Variants in MN1 observed in about 807,000 individuals in gnomAD.
The protein encoded by MN1 is MN1 proto-oncogene, transcriptional regulator.
A neutral mutation model predicts 86.9 loss-of-function variants in MN1; 19 were observed. That is an observed-to-expected ratio of 0.22 (90% CI 0.15 to 0.32). The LOEUF is 0.32. MN1 is among the 10% of genes least tolerant of loss of function. MN1 has a pLI of 1.00. For missense variants in MN1, 1,841 were observed against 1,862.0 expected, an observed-to-expected ratio of 0.99 and a Z score of 0.21; for synonymous variants, 928 against 849.6, an observed-to-expected ratio of 1.09 and a Z score of -1.60.
intron 1 of MN1, among the ~76,000 whole-genome samples, chr22:27,756,446 G>C (rs989631239): frequency 2.6e-5 from 4 of 152,004 alleles, no homozygotes; most frequent in African/African-American, 4.8e-5. Flanking sequence ...CCCAGCCACG[G>C]TTCCACCACT....
rs1933323849 is a variant in MN1 at position 27,797,593 on chromosome 22, G to A, written c.2951C>T (p.Ala984Val). 1 of 1,596,388 alleles carries A rather than the reference G, an allele frequency of 6.3e-7. No individual in the cohort carries two copies. Among genetic ancestry groups the A allele is most frequent in the African/African-American group, 1.3e-5 (1 of 74,508 alleles). The part of the protein sequence containing the change: ...VSPGQQQASG[A>V]AVGGSSAGET... ...GCCTGCGGAGCTTCCCCCGACGGCT[G>A]CGCCTGACGCTTGCTGCTGCCCTGG... The change falls in exon 1 of 2, where the codon GCA becomes GTA. Residue 984 changes from alanine to valine, a missense_variant. Physicochemically the swap from Ala to Val is moderately conservative, Grantham distance 64. Transcript: ENST00000302326.
At chr22:27,795,269 C>G (rs982725748) in intron 1 of MN1, among the ~76,000 whole-genome samples, 21 of 152,250 alleles carry the variant, frequency 1.4e-4, no homozygotes, top group African/African-American at 5.1e-4. Flanking sequence ...AGGCCGCATT[C>G]ATGAATTAGA....
chr22:27,799,097 C>A lies in MN1; in HGVS notation c.1447G>T (p.Asp483Tyr). ...WNGSMHNGAL[D>Y]NHLSPSAYPG... ...TAGGCGGAAGGGGAGAGGTGATTAT[C>A]CAGAGCGCCGTTGTGCATGCTGCCG... Residue 483 changes from aspartate to tyrosine, a missense_variant, in exon 1 of 2, where the codon GAT becomes TAT. Physicochemically the swap from Asp to Tyr is radical, Grantham distance 160. Transcript: ENST00000302326. The A allele has an allele frequency of 6.2e-7, 1 of 1,605,976 alleles. No homozygotes were observed. Among genetic ancestry groups the A allele is most frequent in the Non-Finnish European group, 8.5e-7 (1 of 1,174,630 alleles).
chr22:27,784,778 A>G (rs1186495048), intron 1 of MN1, among the ~76,000 whole-genome samples: 1 of 152,118 alleles, frequency 6.6e-6, no homozygotes, highest in Admixed American at 6.5e-5. Context: ...GCCCTCAAAC[A>G]CATTTAATAC....
intron 1 of MN1, among the ~76,000 whole-genome samples, chr22:27,785,407 C>G (rs1933115311): frequency 6.6e-6 from 1 of 152,196 alleles, no homozygotes; most frequent in African/African-American, 2.4e-5. Flanking sequence ...AAGGAGTCCT[C>G]CCCCACATCT....
rs2146319714 is a variant in MN1, at chr22:27,801,612, T to TGGGGGGA, written c.-1076_-1070dup. 1 of 3,796 alleles carries TGGGGGGA rather than the reference T, an allele frequency of 2.6e-4. No homozygotes were observed. Among genetic ancestry groups the TGGGGGGA allele is most frequent in the Admixed American group, 2.9e-3 (1 of 344 alleles). 0.2% of individuals were successfully genotyped at this position (3,796 alleles called of 1,614,324 possible). A position where few individuals can be genotyped will look rare whatever the true frequency, so the allele number is the denominator to read the frequency against. ...CCCGCTGCGCTCTCAGAGCCCGGAA[T>TGGGGGGA]GGGGGGAGGGGGGCGCGGGGGCAGC... is the stretch of plus-strand genomic sequence containing the variant. On this transcript the variant is annotated 5_prime_UTR_variant, in exon 1 of 2. Coordinates refer to ENST00000302326, the MANE Select transcript of MN1 (RefSeq NM_002430.3).
chr22:27,785,752 C>CG (rs566576505), intron 1 of MN1, among the ~76,000 whole-genome samples: 2 of 141,962 alleles, frequency 1.4e-5, no homozygotes, highest in African/African-American at 5.0e-5. Flanking sequence ...GTGTGCCCCC[C>CG]CCCCATGGCC....
chr22:27,792,388 G>A (rs145446640), intron 1 of MN1, among the ~76,000 whole-genome samples: 6 of 144,614 alleles, frequency 4.1e-5, no homozygotes, highest in Non-Finnish European at 7.5e-5. Flanking sequence ...AGAAAGCAAT[G>A]GCTATTTAAA....
rs773350165 is a variant in MN1, at chr22:27,797,613, C to A, written c.2931G>T (p.Gly977=). 1.3e-6 allele frequency: 2 copies of A among 1,595,118 alleles called. No homozygotes were observed. The highest frequency in any genetic ancestry group is 3.4e-5 in the Admixed American group (2 of 58,206). Residue 977 remains glycine (G), a synonymous_variant, in exon 1 of 2, where the codon GGG becomes GGT. Transcript: ENST00000302326. ...CGGCTGCGCCTGACGCTTGCTGCTG[C>A]CCTGGGCTCACCCCAGGTGCGCCCC... ...DSGGAPGVSP[G]QQQASGAAVG... is the part of the protein sequence containing the mutation.
At chr22:27,757,358 G>C (rs1932807927) in intron 1 of MN1, among the ~76,000 whole-genome samples, 2 of 152,220 alleles carry the variant, frequency 1.3e-5, no homozygotes, top group Non-Finnish European at 2.9e-5. Context: ...CGTGGCACTG[G>C]AGGCAGACAG....
intron 1 of MN1, among the ~76,000 whole-genome samples, chr22:27,784,635 C>T (rs1200295674): frequency 2.6e-5 from 4 of 152,192 alleles, no homozygotes; most frequent in African/African-American, 7.2e-5. Flanking sequence ...ATTCTTAGCA[C>T]TCTATGCAGA....
At position 27,791,439 on chromosome 22, in the gene MN1, A is replaced by G. The variant is rs1202750376; in HGVS notation, c.3781+5324T>C. On this transcript the variant is annotated intron_variant, in intron 1 of 1. Coordinates refer to ENST00000302326, the MANE Select transcript of MN1 (RefSeq NM_002430.3). Reference sequence around the variant, plus strand: ...AAACAAACACATCGTCGGCAAGTCAAAATCCTGACTTGAGTCAAAATGATG... The same window carrying G: ...AAACAAACACATCGTCGGCAAGTCAGAATCCTGACTTGAGTCAAAATGATG... Among the ~76,000 whole-genome samples, 4 of 152,204 alleles carry G rather than the reference A, an allele frequency of 2.6e-5. No individual in the cohort carries two copies. The East Asian group carries it at 7.8e-4, about 30-fold the overall frequency.
intron 1 of MN1, among the ~76,000 whole-genome samples, chr22:27,782,388 G>A (rs907439618): frequency 1.3e-5 from 2 of 152,210 alleles, no homozygotes; most frequent in African/African-American, 2.4e-5. Flanking sequence ...GGGGCTAAGT[G>A]CCTGAAGTAC....
chr22:27,785,056 CCACACACACACACACACACA>C lies in MN1; in HGVS notation c.3781+11687_3781+11706del, dbSNP rs57257445. ...ATATAGATGTGCGTGCTGGCATCCG[CCACACACACACACACACACA>C]CACACACACACACACACACACGGGT... On this transcript the variant is annotated intron_variant, in intron 1 of 1. Coordinates refer to ENST00000302326, the MANE Select transcript of MN1 (RefSeq NM_002430.3). Among the ~76,000 whole-genome samples the C allele has an allele frequency of 7.6e-5, 11 of 144,918 alleles. No homozygotes were observed. In the East Asian group the frequency reaches 1.2e-3, roughly 16 times the overall value.
At chr22:27,756,050 G>A (rs1466137174) in intron 1 of MN1, among the ~76,000 whole-genome samples, 6 of 152,220 alleles carry the variant, frequency 3.9e-5, no homozygotes, top group Non-Finnish European at 7.3e-5. Flanking sequence ...GGGCGCTCCT[G>A]CCAACGCTGG....
intron 1 of MN1, among the ~76,000 whole-genome samples, chr22:27,777,231 C>A (rs1932989691): frequency 1.3e-5 from 2 of 152,146 alleles, no homozygotes; most frequent in South Asian, 2.1e-4. Context: ...GAGAGAGACG[C>A]AAGCAAGAAG....
At chr22:27,794,004 T>G (rs1054103693) in intron 1 of MN1, among the ~76,000 whole-genome samples, 1 of 151,762 alleles carries the variant, frequency 6.6e-6, no homozygotes, top group African/African-American at 2.4e-5. Flanking sequence ...GAAAAAAAAA[T>G]GCTGGGGCTG....
At position 27,750,107 on chromosome 22, in the gene MN1, T is replaced by A; in HGVS notation, c.*808A>T. On this transcript the variant is annotated 3_prime_UTR_variant, in exon 2 of 2. Coordinates refer to ENST00000302326, the MANE Select transcript of MN1 (RefSeq NM_002430.3). Reference sequence around the variant, plus strand: ...CAGAAAAGGAGAGAAAACACTGCTGTCGAACATTCCAACTCCTTCCCACAG... The same window carrying A: ...CAGAAAAGGAGAGAAAACACTGCTGACGAACATTCCAACTCCTTCCCACAG... 4.3e-6 allele frequency: 1 copy of A among 232,110 alleles called. No homozygotes were observed. Among genetic ancestry groups the A allele is most frequent in the Non-Finnish European group, 8.5e-6 (1 of 117,362 alleles). 14.4% of individuals were successfully genotyped at this position (232,110 alleles called of 1,614,324 possible).
rs781506080 is a variant in MN1 at position 27,796,871 on chromosome 22, C to A, written c.3673G>T (p.Ala1225Ser). 2 of 1,612,936 alleles carry A rather than the reference C, an allele frequency of 1.2e-6. No homozygotes were observed. Among genetic ancestry groups the A allele is most frequent in the East Asian group, 4.5e-5 (2 of 44,892 alleles). ...TTGTCAGCGGGCATGTACCAGGCAG[C>A]GCTGTGCTCTGCCATCAGCGAGTCC... ...DLDSLMAEHS[A>S]AWYMPADKAL... The change falls in exon 1 of 2, where the codon GCT becomes TCT. Residue 1225 changes from alanine (A) to serine (S), a missense_variant. Ala to Ser is a moderately conservative substitution (Grantham distance 99). Transcript: ENST00000302326.
Sources: gnomAD v4.1 joint callset for allele counts (sites outside exome capture counted in the v4.1 genomes callset) on GRCh38, gnomAD v4.1.1 for gene constraint, MANE v1.5 for transcripts, NCBI Gene and HGNC (gene_info 2026-07-23, HGNC 2026-07-21) for gene names.